Variants in CD40LG observed in about 807,000 individuals in gnomAD.
CD40LG encodes the protein CD40 antigen ligand.
In CD40LG, 1 loss-of-function variant was observed where a neutral mutation model predicts 17.2. The ratio of observed to expected loss-of-function variants is 0.06; its 90% CI spans 0.02 to 0.28. The LOEUF (loss-of-function observed/expected upper bound fraction) is 0.28, where lower values mean the gene tolerates loss of function less well. Among genes scored for constraint, CD40LG ranks in the 10% least tolerant of loss-of-function variants. The pLI is 1.00. For synonymous variants in CD40LG, 66 were observed against 74.4 expected, an observed-to-expected ratio of 0.89 and a Z score of 0.58; for missense variants, 133 against 193.2, an observed-to-expected ratio of 0.69 and a Z score of 1.85.
In CD40LG at chrX:136,659,454, G is replaced by C. The variant is rs749069035; in HGVS notation, c.*39G>C. 1.7e-6 allele frequency: 2 copies of C among 1,193,157 alleles called. No homozygotes were observed. The highest frequency in any genetic ancestry group is 2.3e-6 in the Non-Finnish European group (2 of 885,244). On this transcript the variant is annotated 3_prime_UTR_variant, in exon 5 of 5. Coordinates refer to ENST00000370629, the MANE Select transcript of CD40LG (RefSeq NM_000074.3). The stretch of plus-strand genomic sequence containing the variant: ...GCAGGCTGTGGTGGAGCTGACGCTG[G>C]GAGTCTTCATAATACAGCACAGCGG...
At chrX:136,650,510 GAC>G (rs201542093) in intron 2 of CD40LG, 113 bp downstream of exon 2, 114 of 610,252 alleles carry the variant, frequency 1.9e-4, no homozygotes, top group Middle Eastern at 4.1e-4. Flanking sequence ...CAGACACACA[GAC>G]ACACACACAC....
Position 136,650,520 on chromosome X carries a change from C to T in CD40LG, c.288+123C>T, listed in dbSNP as rs189960689. The T allele has an allele frequency of 2.6e-3, 1,557 of 594,352 alleles. 5 individuals are homozygous for T. Among genetic ancestry groups the T allele is most frequent in the Non-Finnish European group, 3.9e-3 (1,367 of 351,311 alleles). The allele number at this position is 594,352 out of a possible 1,213,427, so 49.0% of individuals were successfully genotyped here. On this transcript the variant is annotated intron_variant, in intron 2 of 4. Coordinates refer to ENST00000370629, the MANE Select transcript of CD40LG (RefSeq NM_000074.3). ...AGACACAGACACACAGACACACACA[C>T]ACATATATATGCATGCAGATATACA... is the stretch of plus-strand genomic sequence containing the variant.
chrX:136,654,323 C>A, intron 2 of CD40LG, 50 bp from the exon 3 acceptor site: 1 of 901,926 alleles, frequency 1.1e-6, no homozygotes, highest in South Asian at 2.0e-5. Context: ...TTTAAAACCC[C>A]ACAGCAGAGC....
chrX:136,659,115 C>G lies in CD40LG; in HGVS notation c.486C>G (p.Thr162=). ...CCCTGGAAAATGGGAAACAGCTGAC[C>G]GTTAAAAGACAAGGACTCTATTATA... is the stretch of plus-strand genomic sequence containing the variant. The part of the protein sequence containing the change: ...LVTLENGKQL[T]VKRQGLYYIY... Residue 162 remains threonine (T), a synonymous_variant, in exon 5 of 5, where the codon ACC becomes ACG. Coordinates refer to ENST00000370629, the MANE Select transcript of CD40LG (RefSeq NM_000074.3). 8.3e-7 allele frequency: 1 copy of G among 1,209,183 alleles called. No individual in the cohort carries two copies. The highest frequency in any genetic ancestry group is 1.1e-6 in the Non-Finnish European group (1 of 893,330).
At chrX:136,655,624 C>T (rs1249179708) in intron 3 of CD40LG, among the ~76,000 whole-genome samples, 1 of 112,077 alleles carries the variant, frequency 8.9e-6, no homozygotes, top group African/African-American at 3.2e-5. Context: ...AATGGTCATC[C>T]GACTTCCATG....
chrX:136,652,556 C>T, intron 2 of CD40LG, among the ~76,000 whole-genome samples: 1 of 111,260 alleles, frequency 9.0e-6, no homozygotes, highest in Non-Finnish European at 1.9e-5. Context: ...TTCTCTCCAC[C>T]TCCTGACTAA....
chrX:136,657,605 G>A (rs1009493298), intron 4 of CD40LG, among the ~76,000 whole-genome samples: 29 of 111,728 alleles, frequency 2.6e-4, no homozygotes, highest in African/African-American at 7.2e-4. Flanking sequence ...ACTAATACCA[G>A]TTAGTTACAC....
intron 4 of CD40LG, among the ~76,000 whole-genome samples, chrX:136,658,146 T>G (rs1009524664): frequency 1.8e-5 from 2 of 111,928 alleles, no homozygotes; most frequent in Admixed American, 9.5e-5. Context: ...TGGGATCTTG[T>G]GCCCTGATAG....
rs1313764088 is a variant in CD40LG, at chrX:136,659,339, T to C, written c.710T>C (p.Val237Ala). The change falls in exon 5 of 5, where the codon GTG becomes GCG. Residue 237 changes from valine to alanine, a missense_variant. Val to Ala is a moderately conservative substitution (Grantham distance 64, BLOSUM62 0). Transcript: ENST00000370629. ...TTTGAATTGCAACCAGGTGCTTCGG[T>C]GTTTGTCAATGTGACTGATCCAAGC... ...GVFELQPGAS[V>A]FVNVTDPSQV... is the part of the protein sequence containing the mutation. The C allele has an allele frequency of 3.3e-6, 4 of 1,208,877 alleles. No individual in the cohort carries two copies. Among genetic ancestry groups the C allele is most frequent in the Non-Finnish European group, 4.5e-6 (4 of 894,301 alleles).
At chrX:136,650,693 T>G (rs2076101685) in intron 2 of CD40LG, among the ~76,000 whole-genome samples, 1 of 111,217 alleles carries the variant, frequency 9.0e-6, no homozygotes, top group African/African-American at 3.3e-5. Flanking sequence ...TCCACCAAGC[T>G]TGGTTTTTGC....
rs57066772 is a variant in CD40LG, at chrX:136,659,920, ACCCCCCCCCCCCCC to A, written c.*508_*521del. 1 of 18,644 alleles carries A rather than the reference ACCCCCCCCCCCCCC, an allele frequency of 5.4e-5. No individual in the cohort carries two copies. The highest frequency in any genetic ancestry group is 1.7e-4 in the Non-Finnish European group (1 of 5,739). The allele number at this position is 18,644 out of a possible 1,213,427, so 1.5% of individuals were successfully genotyped here. Reference sequence around the variant, plus strand: ...ACGTCTAACACAGTGGAGAACCGAAACCCCCCCCCCCCCCCCGCCACCCTCTCGGACAGTTATTC... The same window carrying A: ...ACGTCTAACACAGTGGAGAACCGAAACCGCCACCCTCTCGGACAGTTATTC... On this transcript the variant is annotated 3_prime_UTR_variant, in exon 5 of 5. Transcript: ENST00000370629.
chrX:136,656,579 A>G (rs2076119820), intron 4 of CD40LG, among the ~76,000 whole-genome samples, 161 bp downstream of exon 4: 1 of 112,248 alleles, frequency 8.9e-6, no homozygotes, highest in Admixed American at 9.4e-5. Context: ...AAGTGAGTTC[A>G]AATGCACAGA....
chrX:136,656,532 T>C lies in CD40LG; in HGVS notation c.409+114T>C, dbSNP rs1603321205. The C allele has an allele frequency of 3.0e-5, 18 of 609,126 alleles. No homozygotes were observed. In the East Asian group the frequency reaches 5.6e-4, roughly 19 times the overall value. The allele number at this position is 609,126 out of a possible 1,213,427, so 50.2% of individuals were successfully genotyped here. ...TCCCCTGGGACCCAATTTACAAACCTACCCCTACACTTCTCCTATTCCCTT... is the reference window on the plus strand; with the variant it reads ...TCCCCTGGGACCCAATTTACAAACCCACCCCTACACTTCTCCTATTCCCTT... On this transcript the variant is annotated intron_variant, in intron 4 of 4. Transcript: ENST00000370629.
At chrX:136,658,287 C>T (rs3092924) in intron 4 of CD40LG, among the ~76,000 whole-genome samples, 8,318 of 111,575 alleles carry the variant, frequency 0.075, 686 homozygotes, top group African/African-American at 0.24. Flanking sequence ...GATTTCAAGT[C>T]GGGTGCACAC....
rs1433059070 is a variant in CD40LG, at chrX:136,656,351, T to C, written c.347-5T>C. On this transcript the variant is annotated splice_region_variant and splice_polypyrimidine_tract_variant and intron_variant, in intron 3 of 4. Transcript: ENST00000370629. The stretch of plus-strand genomic sequence containing the variant: ...TTAGCCTGACAGTTTTTGGTTCCAT[T>C]TCAGGTGATCAGAATCCTCAAATTG... 1 of 1,205,021 alleles carries C rather than the reference T, an allele frequency of 8.3e-7. No homozygotes were observed.
At position 136,650,429 on chromosome X, in the gene CD40LG, T is replaced by C. The variant is rs377451423; in HGVS notation, c.288+32T>C. The C allele has an allele frequency of 1.8e-5, 21 of 1,176,234 alleles. No individual in the cohort carries two copies. In the East Asian group the frequency reaches 4.2e-4, roughly 23 times the overall value. ...AGCTTAATTACTGGTAAAAGTGTCA[T>C]TGAAATATTTTACTACATTTGCTAG... On this transcript the variant is annotated intron_variant, in intron 2 of 4. Coordinates refer to ENST00000370629, the MANE Select transcript of CD40LG (RefSeq NM_000074.3).
At chrX:136,654,602 G>A (rs1318576523) in intron 3 of CD40LG, among the ~76,000 whole-genome samples, 172 bp downstream of exon 3, 1 of 111,543 alleles carries the variant, frequency 9.0e-6, no homozygotes, top group Non-Finnish European at 1.9e-5. Flanking sequence ...GATTTGGAAA[G>A]ACTTTGTACA....
chrX:136,656,982 C>T (rs899313449), intron 4 of CD40LG, among the ~76,000 whole-genome samples: 2 of 112,510 alleles, frequency 1.8e-5, no homozygotes, highest in East Asian at 5.5e-4. Flanking sequence ...TTTCCATATA[C>T]GTTCTGCCAC....
chrX:136,652,202 C>A (rs3092940), intron 2 of CD40LG, among the ~76,000 whole-genome samples: 2,112 of 110,431 alleles, frequency 0.019, 53 homozygotes, highest in African/African-American at 0.065. Context: ...AGGTGTGGAA[C>A]CCTAGTCAAC....
Sources: allele counts gnomAD v4.1 joint callset (sites outside exome capture counted in the v4.1 genomes callset), GRCh38; gene constraint gnomAD v4.1.1; transcripts MANE v1.5; gene names NCBI Gene and HGNC (gene_info 2026-07-23, HGNC 2026-07-21).